Variants in EPHA4 observed in about 807,000 individuals in gnomAD.
EPHA4 encodes EPH receptor A4, also known as ephrin type-A receptor 4.
Under a neutral mutation model 108.3 loss-of-function variants are expected in EPHA4, and 19 were observed. That is an observed-to-expected ratio of 0.18 (90% confidence interval 0.12 to 0.26). EPHA4 has a LOEUF of 0.26. Among genes scored for constraint, EPHA4 ranks in the 10% least tolerant of loss-of-function variants. EPHA4 has a pLI of 1.00. For synonymous variants in EPHA4, 449 were observed against 455.5 expected (o/e 0.99, Z 0.18); for missense variants, 917 against 1,254.0 (o/e 0.73, Z 4.06).
At chr2:221,422,947 T>A (rs1336583012) in intron 17 of EPHA4, among the ~76,000 whole-genome samples, 1 of 152,246 alleles carries the variant, frequency 6.6e-6, no homozygotes. Flanking sequence ...CACCATTGTA[T>A]AAATATGTAT....
chr2:221,433,680 G>T (rs183734721), intron 14 of EPHA4, among the ~76,000 whole-genome samples: 1 of 152,324 alleles, frequency 6.6e-6, no homozygotes, highest in African/African-American at 2.4e-5. Context: ...GTCATTGAGT[G>T]AAGCTTTATT....
At chr2:221,428,094 T>C (rs542835455) in intron 15 of EPHA4, among the ~76,000 whole-genome samples, 2 of 152,382 alleles carry the variant, frequency 1.3e-5, no homozygotes, top group Admixed American at 1.3e-4. Flanking sequence ...GGACATTTAA[T>C]TGAGTGTGGA....
At chr2:221,568,841 CA>C in intron 1 of EPHA4, 56 bp from the exon 2 acceptor site, 2 of 1,490,324 alleles carry the variant, frequency 1.3e-6, no homozygotes, top group Non-Finnish European at 1.8e-6. Flanking sequence ...GCCAATAACA[CA>C]AAAACCATTT....
intron 3 of EPHA4, among the ~76,000 whole-genome samples, chr2:221,540,078 C>T (rs1314029416): frequency 6.6e-6 from 1 of 152,068 alleles, no homozygotes; most frequent in Non-Finnish European, 1.5e-5. Context: ...TGCCACCATG[C>T]CCAGCTATTT....
chr2:221,519,650 T>A (rs942688773), intron 3 of EPHA4, among the ~76,000 whole-genome samples: 2 of 152,250 alleles, frequency 1.3e-5, no homozygotes, highest in African/African-American at 4.8e-5. Flanking sequence ...ACAACCAACC[T>A]AATGTAAGGA....
intron 5 of EPHA4, among the ~76,000 whole-genome samples, chr2:221,476,092 C>T (rs1160382083): frequency 2.6e-5 from 4 of 152,072 alleles, no homozygotes; most frequent in African/African-American, 4.8e-5. Context: ...TGGTGGCGCC[C>T]GCCTGTAATC....
At chr2:221,530,107 T>G (rs942623599) in intron 3 of EPHA4, among the ~76,000 whole-genome samples, 22 of 151,218 alleles carry the variant, frequency 1.5e-4, no homozygotes, top group African/African-American at 4.9e-4. Context: ...CTCATTAGAT[T>G]TGAAAAAAGG....
chr2:221,500,663 G>C (rs57458679), intron 4 of EPHA4, among the ~76,000 whole-genome samples: 2 of 152,200 alleles, frequency 1.3e-5, no homozygotes, highest in Admixed American at 6.5e-5. Context: ...AAACCCTGCC[G>C]TCTACCTGTT....
Position 221,566,933 on chromosome 2 carries a change from AGAAGGAGAAGGAGAAGGAGAAGGG to A in EPHA4, c.159+1761_159+1784del, listed in dbSNP as rs1226429513. The stretch of plus-strand genomic sequence containing the variant: ...GAGAAGGAGAAGGAGAAGGAGAAGG[AGAAGGAGAAGGAGAAGGAGAAGGG>A]GAAGAGGAAGAGGAAGAAGAAGAAG... On this transcript the variant is annotated intron_variant, in intron 2 of 17. Coordinates refer to ENST00000281821, the MANE Select transcript of EPHA4 (RefSeq NM_004438.5). Among the ~76,000 whole-genome samples the A allele has an allele frequency of 3.1e-4, 14 of 44,906 alleles. 1 individual carries two copies. Among genetic ancestry groups the A allele is most frequent in the East Asian group, 1.8e-3 (3 of 1,628 alleles). 29.5% of individuals were successfully genotyped at this position (44,906 alleles called of 152,430 possible). A position where few individuals can be genotyped will look rare whatever the true frequency, so the allele number is the denominator to read the frequency against.
At chr2:221,535,994 C>T (rs935953523) in intron 3 of EPHA4, among the ~76,000 whole-genome samples, 1 of 152,234 alleles carries the variant, frequency 6.6e-6, no homozygotes, top group African/African-American at 2.4e-5. Flanking sequence ...TGGCAGCTAA[C>T]TCCTGTTCTT....
intron 3 of EPHA4, among the ~76,000 whole-genome samples, chr2:221,524,411 A>G (rs919759276): frequency 2.0e-5 from 3 of 152,240 alleles, no homozygotes; most frequent in Non-Finnish European, 4.4e-5. Context: ...CTATCTTTTC[A>G]GGACTTTTTG....
At chr2:221,492,888 T>C (rs866388202) in intron 4 of EPHA4, among the ~76,000 whole-genome samples, 1 of 152,218 alleles carries the variant, frequency 6.6e-6, no homozygotes, top group African/African-American at 2.4e-5. Flanking sequence ...ACAAATGGAA[T>C]GCAGTATGAA....
chr2:221,424,807 A>G (rs1559233636), intron 17 of EPHA4, among the ~76,000 whole-genome samples: 1 of 152,222 alleles, frequency 6.6e-6, no homozygotes, highest in African/African-American at 2.4e-5. Flanking sequence ...GACGGGACCC[A>G]TGACCTAACA....
intron 15 of EPHA4, among the ~76,000 whole-genome samples, chr2:221,429,071 G>A (rs900552633): frequency 2.6e-5 from 4 of 152,166 alleles, no homozygotes; most frequent in African/African-American, 9.7e-5. Context: ...ACAGAAGCCT[G>A]TGAGAAGCTC....
At chr2:221,550,511 T>C (rs1574653583) in intron 3 of EPHA4, among the ~76,000 whole-genome samples, 2 of 151,044 alleles carry the variant, frequency 1.3e-5, no homozygotes, top group Admixed American at 1.3e-4. Context: ...CAATAAAAAT[T>C]GTGACACTTA....
intron 4 of EPHA4, among the ~76,000 whole-genome samples, chr2:221,493,021 A>C (rs1018520143): frequency 6.6e-6 from 1 of 152,182 alleles, no homozygotes; most frequent in East Asian, 1.9e-4. Context: ...TGAATGATAA[A>C]ATGGCTAGAG....
At chr2:221,523,823 C>T in intron 3 of EPHA4, among the ~76,000 whole-genome samples, 1 of 143,536 alleles carries the variant, frequency 7.0e-6, no homozygotes, top group Admixed American at 7.6e-5. Context: ...TCTCAAACTC[C>T]TGAACTCAAA....
At chr2:221,527,633 G>A (rs1266064117) in intron 3 of EPHA4, among the ~76,000 whole-genome samples, 1 of 152,190 alleles carries the variant, frequency 6.6e-6, no homozygotes. Context: ...GGGCAAGAGC[G>A]TGTGTCTGTG....
At chr2:221,434,869 G>GTCAT (rs1378370745) in intron 13 of EPHA4, among the ~76,000 whole-genome samples, 2 of 148,614 alleles carry the variant, frequency 1.3e-5, no homozygotes, top group Non-Finnish European at 3.0e-5. Context: ...CTTTAATGGA[G>GTCAT]TAAGGGCAGG....
Sources: allele counts gnomAD v4.1 joint callset (sites outside exome capture counted in the v4.1 genomes callset), GRCh38; gene constraint gnomAD v4.1.1; transcripts MANE v1.5; gene names NCBI Gene and HGNC (gene_info 2026-07-23, HGNC 2026-07-21).